TENM3: variants seen among roughly 807,000 people sequenced by gnomAD.
TENM3 encodes teneurin transmembrane protein 3.
TENM3 carries 63 observed loss-of-function variants against 255.1 expected under a neutral mutation model. The observed-to-expected ratio is 0.25, with a 90% CI of 0.20 to 0.30. The LOEUF (loss-of-function observed/expected upper bound fraction) is 0.30. TENM3 is among the 10% of genes least tolerant of loss of function. The probability of loss-of-function intolerance (pLI) is 1.00; values close to 1 mark genes in which losing one functional copy is unlikely to be tolerated. For missense variants in TENM3, 2,929 were observed against 3,461.1 expected, an observed-to-expected ratio of 0.85 and a Z score of 3.86; for synonymous variants, 1,306 against 1,322.3, an observed-to-expected ratio of 0.99 and a Z score of 0.27.
chr4:181,970,328 T>C, the TENM3 span, among the ~76,000 whole-genome samples: 2 of 152,326 alleles, frequency 1.3e-5, no homozygotes, highest in African/African-American at 4.8e-5. Context: ...ATTAGGTCAC[T>C]ATTATTAAAA....
the TENM3 span, chr4:181,523,109 A>C: frequency 2.1e-6 from 1 of 465,490 alleles, no homozygotes; most frequent in East Asian, 4.6e-5. Flanking sequence ...CTATTTTGTT[A>C]GTTTAACATC....
the TENM3 span, among the ~76,000 whole-genome samples, chr4:181,869,921 T>C: frequency 6.6e-6 from 1 of 152,250 alleles, no homozygotes; most frequent in South Asian, 2.1e-4. Context: ...CACATGGAAA[T>C]ACTCCATTGA....
intron 24 of TENM3, among the ~76,000 whole-genome samples, chr4:182,787,735 C>CAAAA (rs33998093): frequency 9.6e-5 from 4 of 41,552 alleles, no homozygotes; most frequent in Non-Finnish European, 2.2e-4. Flanking sequence ...AACTCCACCT[C>CAAAA]AAAAAAAAAA....
At chr4:181,523,510 AACTC>A in the TENM3 span, among the ~76,000 whole-genome samples, 1 of 152,272 alleles carries the variant, frequency 6.6e-6, no homozygotes, top group African/African-American at 2.4e-5. Flanking sequence ...TAGAAATAAA[AACTC>A]AGCCCTCATT....
At chr4:182,260,556 C>T (rs953342367) in intron 1 of TENM3, among the ~76,000 whole-genome samples, 2 of 152,158 alleles carry the variant, frequency 1.3e-5, no homozygotes, top group African/African-American at 4.8e-5. Flanking sequence ...CAGTTGGGGA[C>T]AGTCTGTAAT....
rs986999892 is a variant in TENM3 at position 182,202,095 on chromosome 4, C to T, written c.-76+57341C>T. 2.0e-5 allele frequency among the ~76,000 whole-genome samples: 3 copies of T among 152,120 alleles called. No individual in the cohort carries two copies. In the South Asian group the frequency reaches 6.2e-4, roughly 31 times the overall value. On this transcript the variant is annotated intron_variant, in intron 1 of 2. Transcript: ENST00000512480. ...AAGGAAACAAGCGTCTGGGCCTGTC[C>T]CTGTGCCAATGGGATTGGTTAAAAG...
chr4:181,507,612 C>T, the TENM3 span, among the ~76,000 whole-genome samples: 2 of 152,214 alleles, frequency 1.3e-5, no homozygotes, highest in African/African-American at 4.8e-5. Flanking sequence ...TCACAAATCC[C>T]TGACACACAC....
chr4:182,070,166 G>A, the TENM3 span, among the ~76,000 whole-genome samples: 1 of 152,200 alleles, frequency 6.6e-6, no homozygotes. Context: ...GGCCATAGCT[G>A]TGGGTAGGGA....
chr4:182,120,859 C>G, the TENM3 span, among the ~76,000 whole-genome samples: 1 of 152,020 alleles, frequency 6.6e-6, no homozygotes, highest in Non-Finnish European at 1.5e-5. Flanking sequence ...AAGTTGAGGT[C>G]AAAGGGGTAA....
At chr4:182,641,535 T>G (rs982425349) in intron 5 of TENM3, among the ~76,000 whole-genome samples, 6 of 151,618 alleles carry the variant, frequency 4.0e-5, no homozygotes, top group East Asian at 1.9e-4. Context: ...TTTTGTTGTT[T>G]TTTTTTTTTT....
chr4:182,618,879 AAAG>A (rs1162977398), intron 4 of TENM3, among the ~76,000 whole-genome samples: 1 of 152,214 alleles, frequency 6.6e-6, no homozygotes, highest in Non-Finnish European at 1.5e-5. Flanking sequence ...AATAAAAGAA[AAAG>A]AAGAGAAAGA....
intron 3 of TENM3, among the ~76,000 whole-genome samples, chr4:182,405,007 CTGAGGAACTTTAT>C (rs947626501): frequency 3.4e-4 from 52 of 152,296 alleles, no homozygotes; most frequent in African/African-American, 1.2e-3. Context: ...AGAATGGCTG[CTGAGGAACTTTAT>C]TGTATTGCGG....
chr4:181,557,241 T>C, the TENM3 span, among the ~76,000 whole-genome samples: 1 of 152,204 alleles, frequency 6.6e-6, no homozygotes, highest in Non-Finnish European at 1.5e-5. Context: ...GTCTCCACTG[T>C]GTCTTCAAGA....
chr4:182,426,250 C>A (rs113107931), intron 3 of TENM3, among the ~76,000 whole-genome samples: 47 of 152,014 alleles, frequency 3.1e-4, no homozygotes, highest in Middle Eastern at 3.4e-3. Flanking sequence ...TAATTGGTTG[C>A]GTGGGTAGCT....
At chr4:182,129,357 G>A in the TENM3 span, among the ~76,000 whole-genome samples, 1 of 152,128 alleles carries the variant, frequency 6.6e-6, no homozygotes, top group Admixed American at 6.6e-5. Context: ...TATTTTTAGA[G>A]TATCACAAAT....
At chr4:182,387,210 G>C (rs1167475934) in intron 3 of TENM3, among the ~76,000 whole-genome samples, 1 of 152,112 alleles carries the variant, frequency 6.6e-6, no homozygotes, top group African/African-American at 2.4e-5. Context: ...TCTGTATCTA[G>C]CTCAAGGTTT....
chr4:182,270,251 A>G lies in TENM3; in HGVS notation c.-76+26775A>G, dbSNP rs546869886. Among the ~76,000 whole-genome samples, 3 of 152,298 alleles carry G rather than the reference A, an allele frequency of 2.0e-5. No homozygotes were observed. In the South Asian group the frequency reaches 6.2e-4, roughly 32 times the overall value. On this transcript the variant is annotated intron_variant, in intron 1 of 27. Transcript: ENST00000511685. ...TTAGATCCTAATCCCAGCTGTATTA[A>G]TGGAAATTCTCTGTAGATGCTAATT...
chr4:182,425,032 G>A (rs1771103179), intron 3 of TENM3, among the ~76,000 whole-genome samples: 1 of 152,088 alleles, frequency 6.6e-6, no homozygotes, highest in Non-Finnish European at 1.5e-5. Flanking sequence ...CTTGCACATC[G>A]ATCCTTATTT....
intron 19 of TENM3, among the ~76,000 whole-genome samples, chr4:182,749,983 GAAAA>G (rs201463686): frequency 8.5e-5 from 4 of 47,198 alleles, no homozygotes; most frequent in African/African-American, 2.0e-4. Flanking sequence ...TTATAGAAAG[GAAAA>G]AAAAAAAACC....
Sources: allele counts gnomAD v4.1 joint callset (sites outside exome capture counted in the v4.1 genomes callset), GRCh38; gene constraint gnomAD v4.1.1; transcripts MANE v1.5; gene names NCBI Gene and HGNC (gene_info 2026-07-23, HGNC 2026-07-21).